FRS2: variants seen among roughly 807,000 people sequenced by gnomAD.
The protein encoded by FRS2 is FGFR signalling adaptor.
In FRS2, 8 loss-of-function variants were observed where a neutral mutation model predicts 43.9. The observed-to-expected ratio is 0.18, with a 90% CI of 0.11 to 0.33. FRS2 has a LOEUF of 0.33. FRS2 is among the 10% of genes least tolerant of loss of function. FRS2 has a pLI of 1.00. For synonymous variants in FRS2, 219 were observed against 220.3 expected (o/e 0.99, Z 0.05); for missense variants, 534 against 627.6 (o/e 0.85, Z 1.59).
At chr12:69,546,034 T>A (rs796542356) in intron 3 of FRS2, among the ~76,000 whole-genome samples, 26 of 152,274 alleles carry the variant, frequency 1.7e-4, no homozygotes, top group African/African-American at 5.8e-4. Context: ...GATTTGGCAG[T>A]GGTATCTTGG....
intron 1 of FRS2, among the ~76,000 whole-genome samples, chr12:69,486,618 T>G (rs749843428): frequency 3.3e-5 from 5 of 152,282 alleles, no homozygotes; most frequent in Non-Finnish European, 7.3e-5. Context: ...GTGATTAAAG[T>G]TAGGGAGGAA....
chr12:69,478,756 G>GTGTA (rs1399616817), intron 1 of FRS2, among the ~76,000 whole-genome samples: 8 of 139,350 alleles, frequency 5.7e-5, no homozygotes, highest in African/African-American at 1.6e-4. Flanking sequence ...GTGTGTGTGT[G>GTGTA]TGTGTGTAAA....
chr12:69,478,156 A>G (rs1256994246), intron 1 of FRS2, among the ~76,000 whole-genome samples: 1 of 152,186 alleles, frequency 6.6e-6, no homozygotes, highest in Non-Finnish European at 1.5e-5. Flanking sequence ...TTTAAATACT[A>G]CTAAGAAGCT....
At chr12:69,540,371 C>A (rs751680753) in intron 3 of FRS2, among the ~76,000 whole-genome samples, 15 of 147,228 alleles carry the variant, frequency 1.0e-4, no homozygotes, top group Non-Finnish European at 2.0e-4. Context: ...TAACAAAAAA[C>A]CCACAAAATG....
rs539401155 is a variant in FRS2 at position 69,514,716 on chromosome 12, C to T, written c.-260-16149C>T. Among the ~76,000 whole-genome samples, 12 of 152,088 alleles carry T rather than the reference C, an allele frequency of 7.9e-5. No homozygotes were observed. The East Asian group carries it at 1.9e-3, about 25-fold the overall frequency. On this transcript the variant is annotated intron_variant, in intron 1 of 8. Transcript: ENST00000549921. Reference sequence around the variant, plus strand: ...AGCGTGTTGGTGTGTGCCTGTAATCCCAGCTACCTAGGAGGCTGAGGCAGG... The same window carrying T: ...AGCGTGTTGGTGTGTGCCTGTAATCTCAGCTACCTAGGAGGCTGAGGCAGG...
chr12:69,529,185 T>C (rs143415806), intron 1 of FRS2, among the ~76,000 whole-genome samples: 347 of 152,282 alleles, frequency 2.3e-3, no homozygotes, highest in African/African-American at 8.2e-3. Flanking sequence ...GACTGGGAGA[T>C]CAGACAGGGA....
chr12:69,520,890 G>A (rs983231661), intron 1 of FRS2, among the ~76,000 whole-genome samples: 1 of 152,032 alleles, frequency 6.6e-6, no homozygotes, highest in African/African-American at 2.4e-5. Flanking sequence ...GATTACATTG[G>A]ATATTTGGGC....
At chr12:69,471,787 C>G (rs931681432) in intron 1 of FRS2, among the ~76,000 whole-genome samples, 1 of 152,224 alleles carries the variant, frequency 6.6e-6, no homozygotes, top group Non-Finnish European at 1.5e-5. Context: ...TCACAAATCA[C>G]CTTCTTGAAA....
At chr12:69,568,493 C>T (rs1880474923) in intron 4 of FRS2, among the ~76,000 whole-genome samples, 1 of 151,808 alleles carries the variant, frequency 6.6e-6, no homozygotes, top group African/African-American at 2.4e-5. Flanking sequence ...TTGAGCCCAG[C>T]CTTGGGCAAC....
chr12:69,566,640 T>C (rs563437083), intron 4 of FRS2, among the ~76,000 whole-genome samples: 1 of 151,408 alleles, frequency 6.6e-6, no homozygotes, highest in East Asian at 1.9e-4. Context: ...ATATGTGCCA[T>C]GTAAGTTGGT....
chr12:69,528,424 G>A (rs1337787573), intron 1 of FRS2, among the ~76,000 whole-genome samples: 1 of 152,150 alleles, frequency 6.6e-6, no homozygotes, highest in African/African-American at 2.4e-5. Context: ...CCCTAACAAA[G>A]TGGGAGGAAA....
intron 4 of FRS2, among the ~76,000 whole-genome samples, chr12:69,566,751 C>T (rs1305636469): frequency 2.0e-5 from 3 of 152,088 alleles, no homozygotes; most frequent in African/African-American, 4.8e-5. Context: ...CAGTAGAGTA[C>T]GATAAAGGCC....
chr12:69,477,602 T>C (rs1048796997), intron 1 of FRS2, among the ~76,000 whole-genome samples: 1 of 150,878 alleles, frequency 6.6e-6, no homozygotes, highest in African/African-American at 2.5e-5. Context: ...TTAACTAAAA[T>C]TGATGCTCCT....
chr12:69,517,706 G>C (rs534135248), intron 1 of FRS2, among the ~76,000 whole-genome samples: 1 of 152,028 alleles, frequency 6.6e-6, no homozygotes, highest in Admixed American at 6.6e-5. Context: ...CATTGCTGTC[G>C]GTTCTGATTC....
intron 4 of FRS2, among the ~76,000 whole-genome samples, chr12:69,563,239 C>T (rs73323713): frequency 6.6e-6 from 1 of 151,948 alleles, no homozygotes; most frequent in African/African-American, 2.4e-5. Flanking sequence ...TAGCCTTTTC[C>T]CTTGCCTCAG....
At chr12:69,501,329 A>C (rs1040379566) in intron 1 of FRS2, among the ~76,000 whole-genome samples, 5 of 152,190 alleles carry the variant, frequency 3.3e-5, no homozygotes, top group Non-Finnish European at 7.3e-5. Context: ...CATGGCACCT[A>C]ACCACCATTT....
chr12:69,503,231 A>G (rs909636834), intron 1 of FRS2, among the ~76,000 whole-genome samples: 3 of 152,098 alleles, frequency 2.0e-5, no homozygotes, highest in Non-Finnish European at 4.4e-5. Context: ...ATTCTTTGCC[A>G]TATGCCCCCC....
chr12:69,531,686 C>T (rs1446025894), intron 2 of FRS2, among the ~76,000 whole-genome samples: 1 of 150,888 alleles, frequency 6.6e-6, no homozygotes, highest in African/African-American at 2.4e-5. Context: ...AAGGACCCTT[C>T]AGAACATCAA....
At chr12:69,506,350 G>A (rs1873926216) in intron 1 of FRS2, among the ~76,000 whole-genome samples, 1 of 152,064 alleles carries the variant, frequency 6.6e-6, no homozygotes, top group African/African-American at 2.4e-5. Context: ...TACTTAATTG[G>A]TTTGATCCTG....
Sources: allele counts gnomAD v4.1 joint callset (sites outside exome capture counted in the v4.1 genomes callset), GRCh38; gene constraint gnomAD v4.1.1; transcripts MANE v1.5; gene names NCBI Gene and HGNC (gene_info 2026-07-23, HGNC 2026-07-21).